The following RNF38 variants were observed in gnomAD, a reference collection of about 807,000 sequenced individuals.
The protein encoded by RNF38 is E3 ubiquitin-protein ligase RNF38.
Under a neutral mutation model 67.2 loss-of-function variants are expected in RNF38, and 15 were observed. That is an observed-to-expected ratio of 0.22 (90% CI 0.15 to 0.34). The LOEUF is 0.34. Among genes scored for constraint, RNF38 ranks in the 10% least tolerant of loss-of-function variants. RNF38 has a pLI of 1.00. For missense variants in RNF38, 524 were observed against 639.9 expected (o/e 0.82, Z 1.95); for synonymous variants, 220 against 218.8 (o/e 1.01, Z -0.05).
At chr9:36,386,501 T>C (rs1296599865) in intron 2 of RNF38, among the ~76,000 whole-genome samples, 3 of 152,234 alleles carry the variant, frequency 2.0e-5, no homozygotes, top group South Asian at 2.1e-4. Flanking sequence ...TTTAGTAAAT[T>C]TGTTAGAGGC....
At chr9:36,444,285 T>C (rs1016866326) in intron 1 of RNF38, among the ~76,000 whole-genome samples, 2 of 151,832 alleles carry the variant, frequency 1.3e-5, no homozygotes, top group African/African-American at 4.8e-5. Flanking sequence ...GCAAAGGGTT[T>C]CAAGAAAAAA....
At chr9:36,405,885 G>A (rs1016415284), upstream of RNF38, among the ~76,000 whole-genome samples, 1 of 152,210 alleles carries the variant, frequency 6.6e-6, no homozygotes, top group Admixed American at 6.5e-5. Context: ...ATAAGTGCTA[G>A]TTAATAGTCT....
chr9:36,436,276 T>C (rs1250301508), intron 1 of RNF38, among the ~76,000 whole-genome samples: 1 of 152,126 alleles, frequency 6.6e-6, no homozygotes, highest in Non-Finnish European at 1.5e-5. Context: ...TTAAAAAATA[T>C]CTAGGGAAGT....
rs1344368777 is a variant in RNF38, at chr9:36,337,715, T to C, written c.*2037A>G. On this transcript the variant is annotated 3_prime_UTR_variant, in exon 12 of 12. Transcript: ENST00000259605. ...ATGTAGCTGATTATTATGCCAAGAATTTTGGTCTTTAACACACTTTTTATT... is the reference window on the plus strand; with the variant it reads ...ATGTAGCTGATTATTATGCCAAGAACTTTGGTCTTTAACACACTTTTTATT... 6.6e-6 allele frequency: 1 copy of C among 152,578 alleles called. No individual in the cohort carries two copies. The highest frequency in any genetic ancestry group is 1.5e-5 in the Non-Finnish European group (1 of 68,040). 9.5% of individuals were successfully genotyped at this position (152,578 alleles called of 1,614,324 possible).
Position 36,345,090 on chromosome 9 carries a change from C to G in RNF38, c.1264-137G>C. The G allele has an allele frequency of 3.6e-6, 3 of 827,808 alleles. 1 individual carries two copies. The highest frequency in any genetic ancestry group is 5.2e-6 in the Non-Finnish European group (3 of 573,372). 51.3% of individuals were successfully genotyped at this position (827,808 alleles called of 1,614,324 possible). Reference sequence around the variant, plus strand: ...GCTGTTCACAGGCATGATCATTGTGCACTGTGGCCTCGAACTCCTGACCTC... The same window carrying G: ...GCTGTTCACAGGCATGATCATTGTGGACTGTGGCCTCGAACTCCTGACCTC... On this transcript the variant is annotated intron_variant, in intron 9 of 11. Transcript: ENST00000259605.
chr9:36,401,265 A>G, upstream of RNF38: 2 of 979,292 alleles, frequency 2.0e-6, no homozygotes, highest in Non-Finnish European at 2.4e-6. Context: ...TTCCGGCAAC[A>G]GAGCTCCGCG....
chr9:36,439,650 C>CA (rs201240904), intron 1 of RNF38, among the ~76,000 whole-genome samples: 1,901 of 151,938 alleles, frequency 0.013, 24 homozygotes, highest in Admixed American at 0.027. Context: ...ACTAAAAACA[C>CA]AAAAATTAGC....
At chr9:36,460,197 G>T (rs1233888486) in intron 1 of RNF38, among the ~76,000 whole-genome samples, 1 of 152,106 alleles carries the variant, frequency 6.6e-6, no homozygotes, top group East Asian at 1.9e-4. Context: ...AGACGTTGAG[G>T]ATTAAAAACA....
In RNF38 at chr9:36,435,325, A is replaced by C. The variant is rs896082829; in HGVS notation, n.242-10642T>G. 3.9e-5 allele frequency among the ~76,000 whole-genome samples: 6 copies of C among 152,358 alleles called. No homozygotes were observed. In the East Asian group the frequency reaches 1.2e-3, roughly 29 times the overall value. On this transcript the variant is annotated intron_variant and non_coding_transcript_variant, in intron 1 of 3. Transcript: ENST00000488058. ...AATTACAGTGGTTATAATATGAAGC[A>C]GATTGTTAAAGATACTTGAGGTTGC...
intron 1 of RNF38, among the ~76,000 whole-genome samples, chr9:36,430,025 A>G (rs975242076): frequency 6.6e-6 from 1 of 152,128 alleles, no homozygotes; most frequent in African/African-American, 2.4e-5. Context: ...AATTTCTAGC[A>G]TACTATCATC....
chr9:36,407,698 G>A (rs754488334), intron 2 of RNF38, among the ~76,000 whole-genome samples: 13 of 152,066 alleles, frequency 8.5e-5, no homozygotes, highest in South Asian at 2.1e-4. Context: ...GTTCTGTTCC[G>A]GAGAACAGAC....
intron 1 of RNF38, among the ~76,000 whole-genome samples, chr9:36,431,462 T>C (rs1048293984): frequency 6.6e-6 from 1 of 152,248 alleles, no homozygotes; most frequent in African/African-American, 2.4e-5. Flanking sequence ...ACCAGTCATA[T>C]ACATAGTCCC....
intron 1 of RNF38, among the ~76,000 whole-genome samples, chr9:36,393,477 T>G (rs62541843): frequency 0.041 from 3,615 of 87,576 alleles, 60 homozygotes; most frequent in Admixed American, 0.055. Context: ...CACACACACA[T>G]TGTGTGTGTG....
chr9:36,383,566 TAC>T, intron 2 of RNF38, among the ~76,000 whole-genome samples: 1 of 152,318 alleles, frequency 6.6e-6, no homozygotes, highest in Middle Eastern at 3.4e-3. Context: ...CTACATAATG[TAC>T]ACAGTCTCAT....
At chr9:36,380,721 T>C (rs1836150691) in intron 2 of RNF38, among the ~76,000 whole-genome samples, 1 of 152,214 alleles carries the variant, frequency 6.6e-6, no homozygotes, top group African/African-American at 2.4e-5. Context: ...CTCAAACTCC[T>C]GGGCTCAAGC....
rs946325954 is a variant in RNF38, at chr9:36,481,203, C to T, written n.241+6105G>A. On this transcript the variant is annotated intron_variant and non_coding_transcript_variant, in intron 1 of 3. Transcript: ENST00000488058. The stretch of plus-strand genomic sequence containing the variant: ...CTAATTTTTGTATTTTTAGTAGAGG[C>T]AGGGTTTCACCATGTTGGTCAGGCT... Among the ~76,000 whole-genome samples, 5 of 151,936 alleles carry T rather than the reference C, an allele frequency of 3.3e-5. No homozygotes were observed. In the East Asian group the frequency reaches 9.7e-4, roughly 29 times the overall value.
chr9:36,477,880 C>A (rs1840158604), intron 1 of RNF38, among the ~76,000 whole-genome samples: 1 of 151,362 alleles, frequency 6.6e-6, no homozygotes, highest in Admixed American at 6.6e-5. Flanking sequence ...ATTGTCCCAG[C>A]TACTCAGGAG....
intron 1 of RNF38, among the ~76,000 whole-genome samples, chr9:36,462,329 C>T (rs754704047): frequency 3.9e-5 from 6 of 152,166 alleles, no homozygotes; most frequent in Non-Finnish European, 7.3e-5. Context: ...TCATCTCTCT[C>T]CTGCTCTACC....
intron 2 of RNF38, among the ~76,000 whole-genome samples, chr9:36,408,149 G>T (rs2134186543): frequency 6.6e-6 from 1 of 152,192 alleles, no homozygotes; most frequent in South Asian, 2.1e-4. Flanking sequence ...CCCAGGTTGA[G>T]GTGCAGTGTC....
Sources: gnomAD v4.1 joint callset for allele counts (sites outside exome capture counted in the v4.1 genomes callset) on GRCh38, gnomAD v4.1.1 for gene constraint, MANE v1.5 for transcripts, NCBI Gene and HGNC (gene_info 2026-07-23, HGNC 2026-07-21) for gene names.